The following NRG3 variants were observed in gnomAD, a reference collection of about 807,000 sequenced individuals.
NRG3 encodes pro-neuregulin-3, membrane-bound isoform.
Under a neutral mutation model 66.9 loss-of-function variants are expected in NRG3, and 31 were observed. The observed-to-expected ratio is 0.46, with a 90% CI of 0.35 to 0.63. The LOEUF (loss-of-function observed/expected upper bound fraction) is 0.63. Ranked by LOEUF, NRG3 falls within the 20% of genes least tolerant of loss-of-function variation. The pLI is 0.00. For synonymous variants in NRG3, 393 were observed against 359.4 expected (o/e 1.09, Z -1.06); for missense variants, 910 against 878.9 (o/e 1.04, Z -0.45).
intron 1 of NRG3, among the ~76,000 whole-genome samples, chr10:82,251,029 G>C (rs952778611): frequency 1.3e-5 from 2 of 152,212 alleles, no homozygotes; most frequent in Non-Finnish European, 2.9e-5. Flanking sequence ...AAAATTGAGA[G>C]ACTTTACACA....
At chr10:82,838,981 A>G (rs2062918142) in intron 3 of NRG3, among the ~76,000 whole-genome samples, 3 of 152,164 alleles carry the variant, frequency 2.0e-5, no homozygotes, top group Non-Finnish European at 4.4e-5. Flanking sequence ...TTATAAAACC[A>G]TCAGATCAGA....
intron 2 of NRG3, among the ~76,000 whole-genome samples, chr10:82,406,464 A>G (rs984047145): frequency 6.6e-6 from 1 of 152,200 alleles, no homozygotes; most frequent in Admixed American, 6.5e-5. Context: ...CTGAAAGTTC[A>G]TGGAAATGCA....
intron 1 of NRG3, among the ~76,000 whole-genome samples, chr10:82,088,917 GC>G (rs1169858570): frequency 6.6e-6 from 1 of 152,030 alleles, no homozygotes; most frequent in Non-Finnish European, 1.5e-5. Context: ...TTGTACCTTT[GC>G]CATAATCAGC....
chr10:82,088,456 C>G (rs1426461013), intron 1 of NRG3, among the ~76,000 whole-genome samples: 1 of 152,090 alleles, frequency 6.6e-6, no homozygotes, highest in Admixed American at 6.6e-5. Context: ...TCCTGTTTTT[C>G]TAAATGGTGT....
chr10:82,121,561 G>C (rs913248830), intron 1 of NRG3, among the ~76,000 whole-genome samples: 1 of 152,134 alleles, frequency 6.6e-6, no homozygotes, highest in Non-Finnish European at 1.5e-5. Flanking sequence ...CTAGAGAACT[G>C]AACATTGCAT....
chr10:81,951,441 C>T (rs1454872139), intron 1 of NRG3, among the ~76,000 whole-genome samples: 2 of 152,110 alleles, frequency 1.3e-5, no homozygotes, highest in South Asian at 2.1e-4. Flanking sequence ...TTGCAATTAG[C>T]GTTTGACATC....
chr10:82,970,438 T>A (rs1271568197), intron 6 of NRG3, among the ~76,000 whole-genome samples: 1 of 152,210 alleles, frequency 6.6e-6, no homozygotes, highest in Non-Finnish European at 1.5e-5. Context: ...TAGCTGGGAC[T>A]ACAGCTGTGC....
chr10:82,649,387 T>C lies in NRG3; in HGVS notation c.954-89190T>C, dbSNP rs1409071764. Among the ~76,000 whole-genome samples the C allele has an allele frequency of 2.7e-5, 4 of 150,786 alleles. No individual in the cohort carries two copies. The East Asian group carries it at 5.9e-4, about 22-fold the overall frequency. ...CTCTAAGAGGAGCTTTAGGGGCCTATAAGCCTATCACAAGCTTTTGACTGG... is the reference window on the plus strand; with the variant it reads ...CTCTAAGAGGAGCTTTAGGGGCCTACAAGCCTATCACAAGCTTTTGACTGG... On this transcript the variant is annotated intron_variant, in intron 2 of 8. Coordinates refer to ENST00000372141, the MANE Select transcript of NRG3 (RefSeq NM_001010848.4).
At chr10:82,550,185 G>A (rs942237807) in intron 2 of NRG3, among the ~76,000 whole-genome samples, 1 of 152,092 alleles carries the variant, frequency 6.6e-6, no homozygotes, top group East Asian at 1.9e-4. Flanking sequence ...TTTATCTTTG[G>A]TGAAAGGCTG....
At chr10:82,160,163 C>A (rs1645807715) in intron 1 of NRG3, among the ~76,000 whole-genome samples, 1 of 151,818 alleles carries the variant, frequency 6.6e-6, no homozygotes, top group Non-Finnish European at 1.5e-5. Context: ...AAAAGCAATC[C>A]ATTTTACCTA....
chr10:82,878,298 A>G (rs116224587), intron 4 of NRG3, among the ~76,000 whole-genome samples: 333 of 152,344 alleles, frequency 2.2e-3, no homozygotes, highest in African/African-American at 7.5e-3. Flanking sequence ...GTATAATCTT[A>G]TCTCTTGTTG....
Position 82,091,055 on chromosome 10 carries a change from A to G in NRG3, c.823+214892A>G, listed in dbSNP as rs563721263. Reference sequence around the variant, plus strand: ...CACACTTCCAGCAGTGTAACCTAAGACTAGTTTGTTTTTTTTTTAATTTCT... The same window carrying G: ...CACACTTCCAGCAGTGTAACCTAAGGCTAGTTTGTTTTTTTTTTAATTTCT... On this transcript the variant is annotated intron_variant, in intron 1 of 8. Transcript: ENST00000372141. Among the ~76,000 whole-genome samples the G allele has an allele frequency of 1.0e-3, 156 of 151,668 alleles. 1 individual carries two copies. The highest frequency in any genetic ancestry group is 3.6e-3 in the African/African-American group (148 of 41,074).
intron 2 of NRG3, among the ~76,000 whole-genome samples, chr10:82,384,782 T>G (rs1055695837): frequency 6.6e-6 from 1 of 152,236 alleles, no homozygotes; most frequent in Admixed American, 6.5e-5. Flanking sequence ...TATATTCCTT[T>G]GGGTATATAC....
chr10:82,911,351 A>G (rs1845304975), intron 4 of NRG3, among the ~76,000 whole-genome samples: 1 of 152,112 alleles, frequency 6.6e-6, no homozygotes, highest in Non-Finnish European at 1.5e-5. Flanking sequence ...CTTTGGCATT[A>G]TATCTAAAAG....
intron 2 of NRG3, among the ~76,000 whole-genome samples, chr10:82,509,069 A>G (rs1165540074): frequency 6.6e-6 from 1 of 152,154 alleles, no homozygotes; most frequent in African/African-American, 2.4e-5. Context: ...AGAGTTTTCC[A>G]TAAATAGCTC....
chr10:82,323,072 G>A (rs990931919), intron 1 of NRG3, among the ~76,000 whole-genome samples: 5 of 152,082 alleles, frequency 3.3e-5, no homozygotes, highest in African/African-American at 9.7e-5. Flanking sequence ...AAATAAAATA[G>A]GAATTACTGT....
chr10:81,881,461 C>G (rs953091982), intron 1 of NRG3, among the ~76,000 whole-genome samples: 1 of 152,018 alleles, frequency 6.6e-6, no homozygotes, highest in African/African-American at 2.4e-5. Flanking sequence ...TTCTTTTCCC[C>G]CATAGATTGG....
intron 1 of NRG3, among the ~76,000 whole-genome samples, chr10:82,355,647 C>T (rs1033820679): frequency 1.3e-5 from 2 of 152,140 alleles, no homozygotes; most frequent in East Asian, 3.9e-4. Context: ...GCGTAGCAAC[C>T]TCGTGAGTTT....
At chr10:82,671,966 A>G (rs2053313173) in intron 2 of NRG3, among the ~76,000 whole-genome samples, 1 of 152,106 alleles carries the variant, frequency 6.6e-6, no homozygotes, top group Non-Finnish European at 1.5e-5. Flanking sequence ...TATCCATCCT[A>G]TATTTAAATG....
Sources: gnomAD v4.1 joint callset for allele counts (sites outside exome capture counted in the v4.1 genomes callset) on GRCh38, gnomAD v4.1.1 for gene constraint, MANE v1.5 for transcripts, NCBI Gene and HGNC (gene_info 2026-07-23, HGNC 2026-07-21) for gene names.